The following EYS variants were observed in gnomAD, a reference collection of about 807,000 sequenced individuals.
EYS encodes protein eyes shut homolog.
A neutral mutation model predicts 282.1 loss-of-function variants in EYS; 250 were observed. The observed-to-expected ratio is 0.89, with a 90% CI of 0.80 to 0.98. The LOEUF (loss-of-function observed/expected upper bound fraction) is 0.98. Ranked by LOEUF, EYS falls within the 50% of genes least tolerant of loss-of-function variation. The pLI, the probability that EYS is intolerant of heterozygous loss-of-function variation, is 0.00. For missense variants in EYS, 4,016 were observed against 3,709.0 expected, an observed-to-expected ratio of 1.08 and a Z score of -2.15; for synonymous variants, 1,355 against 1,282.9, an observed-to-expected ratio of 1.06 and a Z score of -1.20.
At chr6:65,150,332 T>G (rs935408138) in intron 12 of EYS, among the ~76,000 whole-genome samples, 1 of 151,566 alleles carries the variant, frequency 6.6e-6, no homozygotes, top group Non-Finnish European at 1.5e-5. Flanking sequence ...TTTAGGAGTT[T>G]TAATACTCTT....
chr6:64,878,899 C>T (rs1267653675), intron 19 of EYS, among the ~76,000 whole-genome samples: 1 of 152,074 alleles, frequency 6.6e-6, no homozygotes, highest in Admixed American at 6.6e-5. Context: ...TTCTTTCCTG[C>T]TGCAACTTCT....
In EYS at chr6:64,232,909, G is replaced by T. The variant is rs143191285; in HGVS notation, c.6192-2085C>A. Among the ~76,000 whole-genome samples the T allele has an allele frequency of 3.1e-3, 467 of 152,098 alleles. 1 individual carries two copies. Among genetic ancestry groups the T allele is most frequent in the Non-Finnish European group, 5.5e-3 (375 of 67,990 alleles). ...TGCGATATAAGTTTGTCTCTTTAAG[G>T]CAACTTTCATCAAGTTAAATGGCAA... is the stretch of plus-strand genomic sequence containing the variant. On this transcript the variant is annotated intron_variant, in intron 30 of 42. Coordinates refer to ENST00000503581, the MANE Select transcript of EYS (RefSeq NM_001142800.2).
intron 5 of EYS, among the ~76,000 whole-genome samples, chr6:65,475,622 TCA>T (rs1468341418): frequency 6.6e-6 from 1 of 152,074 alleles, no homozygotes; most frequent in Admixed American, 6.6e-5. Context: ...TGGGATTTAC[TCA>T]GAAAGTCATT....
Position 64,286,902 on chromosome 6 carries a change from C to T in EYS, c.6191+20068G>A, listed in dbSNP as rs890025100. ...TCTTTTATATATGTGTAGCATATACCTTTTGTTTAATTTTCTGTACTTTAT... is the reference window on the plus strand; with the variant it reads ...TCTTTTATATATGTGTAGCATATACTTTTTGTTTAATTTTCTGTACTTTAT... On this transcript the variant is annotated intron_variant, in intron 30 of 42. Transcript: ENST00000503581. Among the ~76,000 whole-genome samples, 3 of 130,316 alleles carry T rather than the reference C, an allele frequency of 2.3e-5. No homozygotes were observed. The South Asian group carries it at 8.4e-4, about 37-fold the overall frequency. The allele number at this position is 130,316 out of a possible 152,430, so 85.5% of individuals were successfully genotyped here. A position where few individuals can be genotyped will look rare whatever the true frequency, so the allele number is the denominator to read the frequency against.
At chr6:64,165,654 G>A (rs1186862316) in intron 31 of EYS, among the ~76,000 whole-genome samples, 1 of 152,120 alleles carries the variant, frequency 6.6e-6, no homozygotes, top group Non-Finnish European at 1.5e-5. Context: ...GCTTTCACAA[G>A]TATTGGCAAG....
intron 21 of EYS, among the ~76,000 whole-genome samples, chr6:64,819,008 G>A (rs10944763): frequency 0.094 from 14,307 of 152,142 alleles, 882 homozygotes; most frequent in East Asian, 0.33. Flanking sequence ...AGGTTCACAT[G>A]TAACACCTTG....
At chr6:64,172,571 G>C (rs1390036209) in intron 31 of EYS, among the ~76,000 whole-genome samples, 7 of 152,068 alleles carry the variant, frequency 4.6e-5, no homozygotes, top group Non-Finnish European at 1.5e-5. Context: ...TCTCACTTCT[G>C]GGTATATCTT....
At chr6:63,731,855 AG>A (rs1768791388) in intron 41 of EYS, among the ~76,000 whole-genome samples, 1 of 152,178 alleles carries the variant, frequency 6.6e-6, no homozygotes, top group Non-Finnish European at 1.5e-5. Flanking sequence ...AAGTGTTTGT[AG>A]GAAATATTGA....
intron 5 of EYS, among the ~76,000 whole-genome samples, chr6:65,467,528 C>T (rs562620584): frequency 5.3e-5 from 8 of 152,048 alleles, no homozygotes; most frequent in African/African-American, 1.4e-4. Flanking sequence ...CACATACACA[C>T]ACACACAAAC....
intron 7 of EYS, among the ~76,000 whole-genome samples, chr6:65,388,539 T>G (rs576546914): frequency 5.9e-5 from 9 of 151,950 alleles, no homozygotes; most frequent in Admixed American, 2.0e-4. Context: ...GTCTGGGAAA[T>G]GTGCACTTCA....
intron 35 of EYS, among the ~76,000 whole-genome samples, chr6:63,912,762 G>A (rs2624658): frequency 0.71 from 106,657 of 151,140 alleles, 37,830 homozygotes; most frequent in Non-Finnish European, 0.73. Context: ...TGGTCGTTTA[G>A]AAGTGTGCAG....
At chr6:64,577,513 C>G (rs998956236) in intron 26 of EYS, among the ~76,000 whole-genome samples, 3 of 151,940 alleles carry the variant, frequency 2.0e-5, no homozygotes, top group Non-Finnish European at 4.4e-5. Context: ...CACACACACA[C>G]AGACATATGC....
chr6:64,140,033 A>G (rs1183152444), intron 31 of EYS, among the ~76,000 whole-genome samples: 2 of 152,064 alleles, frequency 1.3e-5, no homozygotes, highest in Admixed American at 6.5e-5. Flanking sequence ...AAGTGCTTGG[A>G]TAAATGGAAA....
At chr6:65,205,206 G>T (rs1419645896) in intron 12 of EYS, among the ~76,000 whole-genome samples, 1 of 150,652 alleles carries the variant, frequency 6.6e-6, no homozygotes, top group African/African-American at 2.4e-5. Context: ...TAAAGGGGTA[G>T]TAAAAGATAT....
At chr6:64,128,625 A>T (rs1199273496) in intron 31 of EYS, among the ~76,000 whole-genome samples, 1 of 152,222 alleles carries the variant, frequency 6.6e-6, no homozygotes, top group Non-Finnish European at 1.5e-5. Context: ...TAAGTTCTAT[A>T]ACAGAACTTA....
At position 64,439,210 on chromosome 6, in the gene EYS, T is replaced by C; in HGVS notation, c.5787A>G (p.Leu1929=). The change falls in exon 27 of 43, where the codon TTA becomes TTG. Residue 1929 remains leucine (L), a synonymous_variant. Transcript: ENST00000503581. ...LLLYVKQDSN[L]VDGFFIQLFI... The stretch of plus-strand genomic sequence containing the variant: ...ACAATTGAATAAAAAATCCATCTAC[T>C]AAATTTGAGTCTTGCTTGACATACA... The C allele has an allele frequency of 6.8e-7, 1 of 1,478,758 alleles. No individual in the cohort carries two copies. Among genetic ancestry groups the C allele is most frequent in the Non-Finnish European group, 9.0e-7 (1 of 1,114,926 alleles). The allele number at this position is 1,478,758 out of a possible 1,614,324, so 91.6% of individuals were successfully genotyped here.
At chr6:64,368,531 A>G (rs1327393719) in intron 29 of EYS, among the ~76,000 whole-genome samples, 1 of 152,114 alleles carries the variant, frequency 6.6e-6, no homozygotes, top group African/African-American at 2.4e-5. Context: ...TGTCACCAGC[A>G]GTATATAAGT....
At chr6:65,661,795 A>G (rs1227633406) in intron 1 of EYS, among the ~76,000 whole-genome samples, 1 of 152,134 alleles carries the variant, frequency 6.6e-6, no homozygotes, top group Non-Finnish European at 1.5e-5. Flanking sequence ...ACAAGGAACA[A>G]TACACAGTCT....
At chr6:64,153,777 G>A (rs967733931) in intron 31 of EYS, among the ~76,000 whole-genome samples, 2 of 152,162 alleles carry the variant, frequency 1.3e-5, no homozygotes, top group East Asian at 3.9e-4. Context: ...CTTTGATACA[G>A]CAATTTTACT....
Sources: allele counts gnomAD v4.1 joint callset (sites outside exome capture counted in the v4.1 genomes callset), GRCh38; gene constraint gnomAD v4.1.1; transcripts MANE v1.5; gene names NCBI Gene and HGNC (gene_info 2026-07-23, HGNC 2026-07-21).